PDSS1: variants seen among roughly 807,000 people sequenced by gnomAD.
PDSS1 encodes the protein all trans-polyprenyl-diphosphate synthase PDSS1.
In PDSS1, 43 loss-of-function variants were observed where a neutral mutation model predicts 57.5. The observed-to-expected ratio is 0.75, with a 90% confidence interval of 0.59 to 0.96. The LOEUF is 0.96. Among genes scored for constraint, PDSS1 ranks in the 50% least tolerant of loss-of-function variants. The pLI, the probability that PDSS1 is intolerant of heterozygous loss-of-function variation, is 0.00. For synonymous variants in PDSS1, 175 were observed against 191.3 expected, an observed-to-expected ratio of 0.91 and a Z score of 0.70; for missense variants, 438 against 527.8, an observed-to-expected ratio of 0.83 and a Z score of 1.67.
chr10:26,735,456 C>G lies in PDSS1; in HGVS notation c.913-10C>G, dbSNP rs200704417. 4 of 1,583,926 alleles carry G rather than the reference C, an allele frequency of 2.5e-6. No homozygotes were observed. Among genetic ancestry groups the G allele is most frequent in the Non-Finnish European group, 3.5e-6 (4 of 1,152,452 alleles). The stretch of plus-strand genomic sequence containing the variant: ...CGGTGCTCCTTACATCCCATTTTTC[C>G]TTTTGCCAGCTAATAGATGATGTAT... On this transcript the variant is annotated splice_polypyrimidine_tract_variant and intron_variant, in intron 9 of 11. Transcript: ENST00000376215.
chr10:26,708,899 C>G (rs1006783696), intron 4 of PDSS1, among the ~76,000 whole-genome samples: 1 of 152,238 alleles, frequency 6.6e-6, no homozygotes, highest in Non-Finnish European at 1.5e-5. Flanking sequence ...ACCTGCTTCA[C>G]AGGCTCCCGA....
rs1588662597 is a variant in PDSS1, at chr10:26,697,737, G to C, written c.26G>C (p.Arg9Pro). Residue 9 changes from arginine to proline, a missense_variant, in exon 1 of 12, where the codon CGG becomes CCG. Physicochemically the swap from Arg to Pro is moderately radical, Grantham distance 103. This residue lies in a region of PDSS1 where 154 missense variants were observed against 137.0 expected (regional missense o/e 1.12). Transcript: ENST00000376215. ...ATGGCCTCGCGCTGGTGGCGGTGGCGGCGCGGCTGCTCCTGGAAGCCGGCG... is the reference window on the plus strand; with the variant it reads ...ATGGCCTCGCGCTGGTGGCGGTGGCCGCGCGGCTGCTCCTGGAAGCCGGCG... MASRWWRW[R>P]RGCSWKPAAR... is the part of the protein sequence containing the mutation. 2.3e-6 allele frequency: 3 copies of C among 1,297,034 alleles called. No homozygotes were observed. The East Asian group carries it at 9.5e-5, about 41-fold the overall frequency. The allele number at this position is 1,297,034 out of a possible 1,614,324, so 80.3% of individuals were successfully genotyped here. A position where few individuals can be genotyped will look rare whatever the true frequency, so the allele number is the denominator to read the frequency against.
At chr10:26,698,236 C>T (rs909659837) in intron 1 of PDSS1, among the ~76,000 whole-genome samples, 3 of 152,134 alleles carry the variant, frequency 2.0e-5, no homozygotes, top group Non-Finnish European at 4.4e-5. Flanking sequence ...CAGATCTTGC[C>T]TGAAATTTTA....
At chr10:26,737,778 G>GA (rs1357999297) in intron 10 of PDSS1, among the ~76,000 whole-genome samples, 10 of 140,604 alleles carry the variant, frequency 7.1e-5, no homozygotes, top group South Asian at 7.0e-4. Flanking sequence ...CAAGCAAAAG[G>GA]AAAAAAAAAG....
intron 8 of PDSS1, among the ~76,000 whole-genome samples, chr10:26,727,921 T>TA (rs770801697): frequency 1.3e-5 from 2 of 152,208 alleles, no homozygotes; most frequent in Non-Finnish European, 2.9e-5. Context: ...GCTTCTCTGA[T>TA]ACTTCTCAAG....
Position 26,704,663 on chromosome 10 carries a change from T to C in PDSS1, c.163-14T>C. The C allele has an allele frequency of 9.0e-7, 1 of 1,106,052 alleles. No homozygotes were observed. The highest frequency in any genetic ancestry group is 2.0e-4 in the Middle Eastern group (1 of 5,026). The allele number at this position is 1,106,052 out of a possible 1,614,324, so 68.5% of individuals were successfully genotyped here. A position where few individuals can be genotyped will look rare whatever the true frequency, so the allele number is the denominator to read the frequency against. On this transcript the variant is annotated splice_polypyrimidine_tract_variant and intron_variant, in intron 2 of 11. Coordinates refer to ENST00000376215, the MANE Select transcript of PDSS1 (RefSeq NM_014317.5). ...GAATATTCTTACAAGTTTCTTGACA[T>C]TTTTATTTTATAGATACCCTATATT... is the stretch of plus-strand genomic sequence containing the variant.
At chr10:26,728,093 C>T (rs2147438) in intron 8 of PDSS1, among the ~76,000 whole-genome samples, 44,934 of 152,018 alleles carry the variant, frequency 0.3, 6,696 homozygotes, top group Middle Eastern at 0.36. Flanking sequence ...CAGTGGCTCA[C>T]GCCTGTAATC....
In PDSS1 at chr10:26,720,452, G is replaced by A. The variant is rs985371706; in HGVS notation, c.609+93G>A. The A allele has an allele frequency of 4.5e-6, 4 of 883,428 alleles. No homozygotes were observed. In the Admixed American group the frequency reaches 5.1e-5, roughly 11 times the overall value. 54.7% of individuals were successfully genotyped at this position (883,428 alleles called of 1,614,324 possible). A position where few individuals can be genotyped will look rare whatever the true frequency, so the allele number is the denominator to read the frequency against. ...CTCAGATTTGTCTCATTAAAAATAT[G>A]CTTGCTCAAATGTAATGTGGTCTTC... On this transcript the variant is annotated intron_variant, in intron 6 of 11. Coordinates refer to ENST00000376215, the MANE Select transcript of PDSS1 (RefSeq NM_014317.5).
At chr10:26,740,187 T>C (rs970676675) in intron 10 of PDSS1, among the ~76,000 whole-genome samples, 7 of 151,284 alleles carry the variant, frequency 4.6e-5, no homozygotes, top group African/African-American at 1.5e-4. Flanking sequence ...TGCGTGCCTG[T>C]AGTCCCAGCT....
At chr10:26,699,392 TTCTTC>T (rs1204533174) in intron 1 of PDSS1, among the ~76,000 whole-genome samples, 5 of 132,290 alleles carry the variant, frequency 3.8e-5, no homozygotes, top group African/African-American at 1.4e-4. Context: ...CTTCTTCTTC[TTCTTC>T]TTTTTTTTTT....
chr10:26,734,914 G>A (rs1166229547), intron 8 of PDSS1, among the ~76,000 whole-genome samples: 1 of 152,142 alleles, frequency 6.6e-6, no homozygotes, highest in East Asian at 1.9e-4. Context: ...TGCATGTCAA[G>A]AAGGTTTACT....
At chr10:26,707,249 A>G (rs755481584) in intron 4 of PDSS1, among the ~76,000 whole-genome samples, 12 of 152,012 alleles carry the variant, frequency 7.9e-5, no homozygotes, top group Non-Finnish European at 1.5e-4. Flanking sequence ...AAGCTCTGCC[A>G]TTTTGCCTCT....
At chr10:26,697,873 C>A in intron 1 of PDSS1, 33 bp downstream of exon 1, 1 of 1,270,490 alleles carries the variant, frequency 7.9e-7, no homozygotes, top group South Asian at 2.5e-5. Flanking sequence ...CGGCGGGGCT[C>A]AGAGGTCACG....
At position 26,746,530 on chromosome 10, in the gene PDSS1, G is replaced by T; in HGVS notation, c.*57G>T. ...TACCAGACTGTGCCTAAAGAATTTT[G>T]TGGAATACACTTTGTTTGCTTCATG... On this transcript the variant is annotated 3_prime_UTR_variant, in exon 12 of 12. Coordinates refer to ENST00000376215, the MANE Select transcript of PDSS1 (RefSeq NM_014317.5). The T allele has an allele frequency of 1.9e-6, 3 of 1,578,534 alleles. No individual in the cohort carries two copies. The highest frequency in any genetic ancestry group is 2.7e-5 in the African/African-American group (2 of 74,296).
At chr10:26,726,801 C>T (rs1835961704) in intron 8 of PDSS1, among the ~76,000 whole-genome samples, 1 of 152,132 alleles carries the variant, frequency 6.6e-6, no homozygotes, top group South Asian at 2.1e-4. Flanking sequence ...GTGGCTCACA[C>T]CTGTAATCCT....
intron 1 of PDSS1, among the ~76,000 whole-genome samples, chr10:26,701,675 G>T (rs561050651): frequency 3.3e-5 from 5 of 152,352 alleles, no homozygotes; most frequent in Admixed American, 3.3e-4. Flanking sequence ...CTGCTGAAGG[G>T]GGGAGAACCC....
At chr10:26,735,887 C>T (rs1015841055) in intron 10 of PDSS1, among the ~76,000 whole-genome samples, 7 of 152,118 alleles carry the variant, frequency 4.6e-5, no homozygotes, top group Non-Finnish European at 7.3e-5. Context: ...GAGGTAGCAT[C>T]GTGATTATTT....
intron 11 of PDSS1, among the ~76,000 whole-genome samples, chr10:26,744,515 C>G (rs926820168): frequency 1.3e-5 from 2 of 152,090 alleles, no homozygotes; most frequent in Admixed American, 1.3e-4. Flanking sequence ...CTCAGCCTCC[C>G]GAGTAGCTGG....
chr10:26,702,036 A>G (rs776039158), intron 1 of PDSS1, 126 bp from the exon 2 acceptor site: 7 of 418,286 alleles, frequency 1.7e-5, no homozygotes, highest in Non-Finnish European at 2.9e-5. Context: ...CTGGGTTTGG[A>G]CTTGCATGAG....
Sources: allele counts gnomAD v4.1 joint callset (sites outside exome capture counted in the v4.1 genomes callset), GRCh38; gene constraint gnomAD v4.1.1; regional missense constraint gnomAD v4.1.1; transcripts MANE v1.5; gene names NCBI Gene and HGNC (gene_info 2026-07-23, HGNC 2026-07-21).